PALLD: variants seen among roughly 807,000 people sequenced by gnomAD.
PALLD encodes palladin, cytoskeletal associated protein, also known as palladin.
In PALLD, 61 loss-of-function variants were observed where a neutral mutation model predicts 123.5. That is an observed-to-expected ratio of 0.49 (90% CI 0.40 to 0.61). The LOEUF (loss-of-function observed/expected upper bound fraction) is 0.61. PALLD is among the 20% of genes least tolerant of loss of function. The pLI is 0.00. For synonymous variants in PALLD, 465 were observed against 496.4 expected, an observed-to-expected ratio of 0.94 and a Z score of 0.84; for missense variants, 1,273 against 1,377.0, an observed-to-expected ratio of 0.92 and a Z score of 1.20.
At chr4:168,657,147 A>G (rs1778660868) in intron 2 of PALLD, among the ~76,000 whole-genome samples, 1 of 152,224 alleles carries the variant, frequency 6.6e-6, no homozygotes, top group Non-Finnish European at 1.5e-5. Context: ...TGATCCTTCA[A>G]CATGATTCAC....
intron 10 of PALLD, among the ~76,000 whole-genome samples, chr4:168,775,325 G>A (rs1431263128): frequency 6.6e-6 from 1 of 152,046 alleles, no homozygotes; most frequent in East Asian, 1.9e-4. Flanking sequence ...GTGTTTATTT[G>A]CCATCTGTAT....
rs768642820 is a variant in PALLD, at chr4:168,711,620, C to T, written c.1661C>T (p.Ser554Phe). ...ENCSYESMGE[S>F]NNDHFQHFPP... is the part of the protein sequence containing the mutation. The stretch of plus-strand genomic sequence containing the variant: ...TGTAGTTACGAGTCAATGGGAGAAT[C>T]CAACAATGACCACTTCCAACACTTT... Residue 554 changes from serine (S) to phenylalanine (F), a missense_variant, in exon 10 of 22, where the codon TCC becomes TTC. By Grantham distance (155) the Ser-to-Phe change is radical. This residue lies in a region of PALLD where 944 missense variants were observed against 954.5 expected (regional missense o/e 0.99). Transcript: ENST00000505667. 1.4e-5 allele frequency: 23 copies of T among 1,614,006 alleles called. No homozygotes were observed. The highest frequency in any genetic ancestry group is 1.9e-5 in the Non-Finnish European group (23 of 1,180,000).
chr4:168,522,500 CAG>C (rs1408170050), intron 2 of PALLD, among the ~76,000 whole-genome samples: 1 of 152,202 alleles, frequency 6.6e-6, no homozygotes, highest in East Asian at 1.9e-4. Context: ...ATCTTTTCTG[CAG>C]AGTCTATTTT....
At chr4:168,754,955 G>A (rs763838262) in intron 10 of PALLD, among the ~76,000 whole-genome samples, 12 of 152,006 alleles carry the variant, frequency 7.9e-5, no homozygotes, top group East Asian at 1.9e-4. Flanking sequence ...AAGGGTGGCC[G>A]GGCGCAGTGG....
At chr4:168,647,591 G>C (rs1777593071) in intron 2 of PALLD, among the ~76,000 whole-genome samples, 1 of 152,100 alleles carries the variant, frequency 6.6e-6, no homozygotes, top group South Asian at 2.1e-4. Context: ...GACCAGCCTG[G>C]CCAATATGGT....
chr4:168,873,886 G>A (rs1454147845), intron 10 of PALLD, among the ~76,000 whole-genome samples: 3 of 152,160 alleles, frequency 2.0e-5, no homozygotes, highest in Non-Finnish European at 2.9e-5. Flanking sequence ...AGGAGAAGGC[G>A]GAGGAGCAGT....
chr4:168,572,376 A>T (rs1023979040), intron 2 of PALLD, among the ~76,000 whole-genome samples: 10 of 152,154 alleles, frequency 6.6e-5, no homozygotes, highest in African/African-American at 2.2e-4. Flanking sequence ...CAGAACAGTT[A>T]TCCAAAATGG....
chr4:168,875,213 G>A (rs998673401), intron 10 of PALLD, among the ~76,000 whole-genome samples: 8 of 151,538 alleles, frequency 5.3e-5, no homozygotes, highest in Admixed American at 1.3e-4. Context: ...AAAAAAAAAC[G>A]GAGAAACTAA....
intron 2 of PALLD, among the ~76,000 whole-genome samples, chr4:168,580,174 C>G (rs547023226): frequency 4.7e-4 from 71 of 151,772 alleles, no homozygotes; most frequent in Non-Finnish European, 9.7e-4. Flanking sequence ...GTCCTCCAGC[C>G]TCATCAATGT....
intron 2 of PALLD, among the ~76,000 whole-genome samples, chr4:168,563,691 T>TA (rs1561251614): frequency 6.6e-6 from 1 of 152,174 alleles, no homozygotes; most frequent in Admixed American, 6.5e-5. Flanking sequence ...TAATGCATTA[T>TA]AAAAAACTTT....
At chr4:168,658,884 A>G (rs936793122) in intron 2 of PALLD, among the ~76,000 whole-genome samples, 2 of 152,220 alleles carry the variant, frequency 1.3e-5, no homozygotes, top group African/African-American at 4.8e-5. Flanking sequence ...TGGGGCCATA[A>G]GGTTAAAGTA....
At chr4:168,716,791 G>A (rs1785407694) in intron 10 of PALLD, among the ~76,000 whole-genome samples, 2 of 152,208 alleles carry the variant, frequency 1.3e-5, no homozygotes, top group Admixed American at 1.3e-4. Context: ...GTGTTTGAGA[G>A]ATAGAAGAGA....
chr4:168,836,069 A>G (rs929306675), intron 10 of PALLD, among the ~76,000 whole-genome samples: 19 of 152,302 alleles, frequency 1.2e-4, no homozygotes, highest in African/African-American at 4.6e-4. Flanking sequence ...CTTCCTGGTT[A>G]TGTGCTTTAG....
At chr4:168,878,056 CCCGACG>C in intron 10 of PALLD, 5 of 1,480,438 alleles carry the variant, frequency 3.4e-6, no homozygotes, top group Non-Finnish European at 4.5e-6. Flanking sequence ...CGCCCATGTC[CCCGACG>C]CCGAGGCAGT....
chr4:168,795,414 A>G (rs1038018721), intron 10 of PALLD, among the ~76,000 whole-genome samples: 2 of 152,232 alleles, frequency 1.3e-5, no homozygotes, highest in Non-Finnish European at 2.9e-5. Flanking sequence ...GTGATTTAAG[A>G]TAATTAAGTA....
intron 2 of PALLD, among the ~76,000 whole-genome samples, chr4:168,640,191 C>G (rs957666233): frequency 6.6e-6 from 1 of 152,182 alleles, no homozygotes; most frequent in African/African-American, 2.4e-5. Context: ...CCTCATTTGG[C>G]TGGACACTGC....
At chr4:168,904,193 C>A in intron 15 of PALLD, 2 of 390,202 alleles carry the variant, frequency 5.1e-6, no homozygotes, top group South Asian at 5.9e-5. Context: ...GTAGACTGGA[C>A]AAAGTCCTAT....
chr4:168,531,193 C>A (rs1764566258), intron 2 of PALLD, among the ~76,000 whole-genome samples: 1 of 151,996 alleles, frequency 6.6e-6, no homozygotes, highest in Non-Finnish European at 1.5e-5. Context: ...GTGATTTTTT[C>A]CCCTTTTTCT....
intron 10 of PALLD, among the ~76,000 whole-genome samples, chr4:168,840,114 T>TA (rs199853082): frequency 0.057 from 8,671 of 151,968 alleles, 797 homozygotes; most frequent in African/African-American, 0.19. Flanking sequence ...AGATTTTTTT[T>TA]AAAAAAAATC....
Sources: allele counts gnomAD v4.1 joint callset (sites outside exome capture counted in the v4.1 genomes callset), GRCh38; gene constraint gnomAD v4.1.1; regional missense constraint gnomAD v4.1.1; transcripts MANE v1.5; gene names NCBI Gene and HGNC (gene_info 2026-07-23, HGNC 2026-07-21).